KATNAL2: variants seen among roughly 807,000 people sequenced by gnomAD.
The protein encoded by KATNAL2 is katanin p60 ATPase-containing subunit A-like 2.
In KATNAL2, 52 loss-of-function variants were observed where a neutral mutation model predicts 76.3. That is an observed-to-expected ratio of 0.68 (90% CI 0.55 to 0.86). The LOEUF (loss-of-function observed/expected upper bound fraction) is 0.86. Among genes scored for constraint, KATNAL2 ranks in the 40% least tolerant of loss-of-function variants. The pLI, the probability that KATNAL2 is intolerant of heterozygous loss-of-function variation, is 0.00. For synonymous variants in KATNAL2, 243 were observed against 244.2 expected, an observed-to-expected ratio of 1.00 and a Z score of 0.05; for missense variants, 660 against 668.9, an observed-to-expected ratio of 0.99 and a Z score of 0.15.
intron 1 of KATNAL2, among the ~76,000 whole-genome samples, chr18:46,919,452 C>T (rs1303422100): frequency 6.6e-6 from 1 of 151,736 alleles, no homozygotes. Context: ...CGCCATTGCA[C>T]TCCAGCCTGG....
intron 14 of KATNAL2, among the ~76,000 whole-genome samples, chr18:47,075,590 C>T (rs1273499420): frequency 1.3e-5 from 2 of 152,232 alleles, no homozygotes; most frequent in Admixed American, 6.5e-5. Context: ...ATGCCATTCT[C>T]CCTTCCCCCG....
At chr18:47,062,947 A>G in intron 8 of KATNAL2, 25 bp from the exon 9 acceptor site, 1 of 1,571,008 alleles carries the variant, frequency 6.4e-7, no homozygotes. Context: ...TTCTCATGGC[A>G]TAAATAACCA....
rs528466216 is a variant in KATNAL2 at position 46,926,097 on chromosome 18, T to G, written c.-510+8171T>G. Among the ~76,000 whole-genome samples, 21 of 152,334 alleles carry G rather than the reference T, an allele frequency of 1.4e-4. No homozygotes were observed. The East Asian group carries it at 3.3e-3, about 24-fold the overall frequency. ...GTCTCTATTTCCTACAGTTCTGCTC[T>G]GATCTTAGTTATTTCTTGCCTTCTG... is the stretch of plus-strand genomic sequence containing the variant. On this transcript the variant is annotated intron_variant, in intron 1 of 17. Coordinates refer to ENST00000683218, the MANE Select transcript of KATNAL2 (RefSeq NM_001387690.1).
At chr18:47,033,753 A>T (rs762541877) in intron 3 of KATNAL2, 1 of 1,614,208 alleles carries the variant, frequency 6.2e-7, no homozygotes, top group South Asian at 1.1e-5. Context: ...CTCTGCGTCC[A>T]GGGAAAGCAG....
chr18:47,064,168 T>A (rs1026599950), intron 10 of KATNAL2, among the ~76,000 whole-genome samples: 8 of 150,786 alleles, frequency 5.3e-5, no homozygotes, highest in Admixed American at 4.7e-4. Context: ...GACACAAATG[T>A]GAACGAGTCA....
intron 3 of KATNAL2, among the ~76,000 whole-genome samples, chr18:46,956,435 T>C (rs1012961797): frequency 4.6e-5 from 7 of 152,228 alleles, no homozygotes; most frequent in Admixed American, 3.3e-4. Context: ...GTCTCCTTGA[T>C]GAGCTGCTCT....
chr18:46,936,253 G>C (rs1474529982), intron 1 of KATNAL2, among the ~76,000 whole-genome samples: 4 of 152,012 alleles, frequency 2.6e-5, no homozygotes, highest in Non-Finnish European at 5.9e-5. Flanking sequence ...GTTCACAAAT[G>C]CATTATTTCA....
intron 15 of KATNAL2, among the ~76,000 whole-genome samples, chr18:47,085,270 A>G (rs2062720927): frequency 6.6e-6 from 1 of 152,216 alleles, no homozygotes; most frequent in Non-Finnish European, 1.5e-5. Context: ...TGCAAAAATT[A>G]TATAACAGTT....
intron 3 of KATNAL2, chr18:47,032,906 G>T: frequency 6.2e-7 from 1 of 1,601,832 alleles, no homozygotes. Flanking sequence ...CCAAGTTAAA[G>T]GTTCTGGTGT....
intron 3 of KATNAL2, among the ~76,000 whole-genome samples, chr18:46,955,458 A>G (rs1456001251): frequency 6.6e-6 from 1 of 151,418 alleles, no homozygotes; most frequent in African/African-American, 2.4e-5. Context: ...TCCTGACCTC[A>G]GGTGATCCGT....
At chr18:46,946,737 C>T in intron 2 of KATNAL2, 117 bp from the exon 3 acceptor site, 1 of 1,122,834 alleles carries the variant, frequency 8.9e-7, no homozygotes, top group Non-Finnish European at 1.3e-6. Context: ...CTGTGGCCAG[C>T]GATTGGCGGG....
chr18:47,043,245 A>AAAAAT lies in KATNAL2; in HGVS notation c.52-3212_52-3211insAAAAT, dbSNP rs376877321. Among the ~76,000 whole-genome samples the AAAAAT allele has an allele frequency of 2.6e-3, 240 of 93,174 alleles. 36 individuals are homozygous for AAAAAT. The highest frequency in any genetic ancestry group is 0.018 in the Middle Eastern group (3 of 168). 61.1% of individuals were successfully genotyped at this position (93,174 alleles called of 152,430 possible). On this transcript the variant is annotated intron_variant, in intron 3 of 17. Transcript: ENST00000683218. ...CCGTTTCAAAAAAAAAAAAAAAAAA[A>AAAAAT]GAGATCCTAAAAGCTTCCTGGGAAG...
Position 46,921,535 on chromosome 18 carries a change from A to G in KATNAL2, c.-510+3609A>G, listed in dbSNP as rs149115492. Among the ~76,000 whole-genome samples, 89 of 152,272 alleles carry G rather than the reference A, an allele frequency of 5.8e-4. 1 individual carries two copies. The East Asian group carries it at 0.016, about 27-fold the overall frequency. ...TCTCAACTTAATTTTTCTAATCTGG[A>G]AAAGAAAAATGACTACACCTATCTC... On this transcript the variant is annotated intron_variant, in intron 1 of 17. Coordinates refer to ENST00000683218, the MANE Select transcript of KATNAL2 (RefSeq NM_001387690.1).
At chr18:47,093,502 G>GT (rs1284945736) in intron 15 of KATNAL2, among the ~76,000 whole-genome samples, 14 of 149,802 alleles carry the variant, frequency 9.3e-5, no homozygotes, top group Non-Finnish European at 1.5e-4. Context: ...TTGTGTGTGT[G>GT]TGTGTGTATT....
intron 1 of KATNAL2, among the ~76,000 whole-genome samples, chr18:46,934,924 G>T (rs1312236152): frequency 1.3e-5 from 2 of 152,134 alleles, no homozygotes; most frequent in African/African-American, 2.4e-5. Context: ...CCCATTGCTT[G>T]TTTTTGTCAG....
chr18:47,034,118 A>G (rs1391731269), intron 3 of KATNAL2: 4 of 1,614,174 alleles, frequency 2.5e-6, no homozygotes, highest in Non-Finnish European at 1.7e-6. Flanking sequence ...TATTTTTCAC[A>G]TGACAGAGTG....
At chr18:47,024,591 G>T (rs2060254448) in intron 3 of KATNAL2, among the ~76,000 whole-genome samples, 1 of 9,428 alleles carries the variant, frequency 1.1e-4, no homozygotes, top group Middle Eastern at 0.015. Context: ...CATTGACGTT[G>T]TGTGAGGGGA....
intron 1 of KATNAL2, among the ~76,000 whole-genome samples, chr18:46,937,783 T>C (rs758932287): frequency 6.6e-6 from 1 of 152,196 alleles, no homozygotes; most frequent in Non-Finnish European, 1.5e-5. Flanking sequence ...AACATGATAG[T>C]AGATACTGTG....
chr18:47,033,606 C>G, intron 3 of KATNAL2: 3 of 1,614,204 alleles, frequency 1.9e-6, no homozygotes, highest in Non-Finnish European at 1.7e-6. Flanking sequence ...GTTCAAGAAC[C>G]CAGTAGGGGA....
Sources: gnomAD v4.1 joint callset for allele counts (sites outside exome capture counted in the v4.1 genomes callset) on GRCh38, gnomAD v4.1.1 for gene constraint, MANE v1.5 for transcripts, NCBI Gene and HGNC (gene_info 2026-07-23, HGNC 2026-07-21) for gene names.